The following TXNL4A variants were observed in gnomAD, a reference collection of about 807,000 sequenced individuals.
TXNL4A encodes thioredoxin like 4A.
In TXNL4A, 17 loss-of-function variants were observed where a neutral mutation model predicts 14.6. The observed-to-expected ratio is 1.16, with a 90% CI of 0.80 to 1.74. TXNL4A has a LOEUF of 1.74. TXNL4A is among the 40% of genes most tolerant of loss of function. The pLI is 0.00. For synonymous variants in TXNL4A, 83 were observed against 70.6 expected, an observed-to-expected ratio of 1.18 and a Z score of -0.88; for missense variants, 74 against 195.2, an observed-to-expected ratio of 0.38 and a Z score of 3.70.
Position 79,973,641 on chromosome 18 carries a change from C to A in TXNL4A, c.*44G>T. ...TTAAATAGCTTAAAACGTTTCCATA[C>A]AAAAAGGGCTCCACGACATTTATCC... On this transcript the variant is annotated 3_prime_UTR_variant, in exon 3 of 3. Coordinates refer to ENST00000269601, the MANE Select transcript of TXNL4A (RefSeq NM_006701.5). The A allele has an allele frequency of 6.4e-7, 1 of 1,567,082 alleles. No individual in the cohort carries two copies. The highest frequency in any genetic ancestry group is 8.6e-7 in the Non-Finnish European group (1 of 1,159,456).
At chr18:79,976,783 G>A (rs2051386048) in intron 2 of TXNL4A, 2 of 456,156 alleles carry the variant, frequency 4.4e-6, no homozygotes, top group Non-Finnish European at 8.8e-6. Flanking sequence ...CAACCTCTAT[G>A]GTAACTAAAC....
Position 79,982,953 on chromosome 18 carries a change from A to T in TXNL4A, c.154-5252T>A, listed in dbSNP as rs2051486667. Among the ~76,000 whole-genome samples, 1 of 152,128 alleles carries T rather than the reference A, an allele frequency of 6.6e-6. No homozygotes were observed. ...CTTGGAGGAGGAGCTGGGTGAGTGCAGCCACACTGCTCTGCCAAGTCATCC... is the reference window on the plus strand; with the variant it reads ...CTTGGAGGAGGAGCTGGGTGAGTGCTGCCACACTGCTCTGCCAAGTCATCC... On this transcript the variant is annotated intron_variant, in intron 1 of 2. Coordinates refer to ENST00000269601, the MANE Select transcript of TXNL4A (RefSeq NM_006701.5). The surrounding 1 kb of genome is among the most constrained non-coding windows in gnomAD (Gnocchi z 4.0).
At position 79,973,583 on chromosome 18, in the gene TXNL4A, C is replaced by T; in HGVS notation, c.*102G>A. 6.9e-7 allele frequency: 1 copy of T among 1,454,478 alleles called. No individual in the cohort carries two copies. The highest frequency in any genetic ancestry group is 9.2e-7 in the Non-Finnish European group (1 of 1,088,800). The allele number at this position is 1,454,478 out of a possible 1,614,324, so 90.1% of individuals were successfully genotyped here. On this transcript the variant is annotated 3_prime_UTR_variant, in exon 3 of 3. Transcript: ENST00000269601. ...TATCAATTCCATCTCAGAGGTGCTCCAGCCCTGGAGCTTCCTGTATTTTCC... is the reference window on the plus strand; with the variant it reads ...TATCAATTCCATCTCAGAGGTGCTCTAGCCCTGGAGCTTCCTGTATTTTCC...
intron 1 of TXNL4A, among the ~76,000 whole-genome samples, chr18:79,984,689 T>G (rs1267606392): frequency 6.6e-6 from 1 of 152,218 alleles, no homozygotes; most frequent in East Asian, 1.9e-4. Context: ...GATGATAGCT[T>G]ACTGCAGCCT....
intron 1 of TXNL4A, among the ~76,000 whole-genome samples, chr18:79,995,893 G>A (rs1441070710): frequency 2.0e-5 from 3 of 152,042 alleles, no homozygotes; most frequent in Non-Finnish European, 4.4e-5. Context: ...ATGAGGTCAG[G>A]AGATCGAGAC....
At position 79,971,652 on chromosome 18, in the gene TXNL4A, C is replaced by CG. The variant is rs1426741239; in HGVS notation, c.*2032_*2033insC. 1 of 152,206 alleles carries CG rather than the reference C, an allele frequency of 6.6e-6. No homozygotes were observed. The highest frequency in any genetic ancestry group is 6.5e-5 in the Admixed American group (1 of 15,276). 9.4% of individuals were successfully genotyped at this position (152,206 alleles called of 1,614,324 possible). On this transcript the variant is annotated 3_prime_UTR_variant, in exon 3 of 3. Transcript: ENST00000269601. Reference sequence around the variant, plus strand: ...GGCCCATGTTTAACTTTTTGACGACCTGCCTGCCTGTGTTACCACTTTGCC... The same window carrying CG: ...GGCCCATGTTTAACTTTTTGACGACCGTGCCTGCCTGTGTTACCACTTTGCC...
chr18:80,019,867 A>G (rs1426301573), intron 1 of TXNL4A, among the ~76,000 whole-genome samples: 1 of 152,194 alleles, frequency 6.6e-6, no homozygotes, highest in Non-Finnish European at 1.5e-5. Flanking sequence ...GCGTAGCGTT[A>G]AAAATGCTCC....
At chr18:79,991,119 A>C (rs994770399), upstream of TXNL4A, among the ~76,000 whole-genome samples, 1 of 151,942 alleles carries the variant, frequency 6.6e-6, no homozygotes, top group African/African-American at 2.4e-5. Context: ...AAAAAAAAAA[A>C]AAAAAAAAAC....
At chr18:80,023,156 A>AG (rs1482002072) in intron 1 of TXNL4A, among the ~76,000 whole-genome samples, 6 of 152,202 alleles carry the variant, frequency 3.9e-5, no homozygotes, top group Non-Finnish European at 5.9e-5. Context: ...AATGCAGAAC[A>AG]GGTGCCTTAA....
At chr18:79,976,510 C>A (rs957320384) in intron 2 of TXNL4A, among the ~76,000 whole-genome samples, 1 of 152,112 alleles carries the variant, frequency 6.6e-6, no homozygotes, top group African/African-American at 2.4e-5. Flanking sequence ...CAAACAAGCC[C>A]CTCAAACACT....
intron 1 of TXNL4A, among the ~76,000 whole-genome samples, chr18:80,023,514 C>A (rs1217743979): frequency 6.6e-6 from 1 of 152,086 alleles, no homozygotes. Context: ...GCATGCCCCC[C>A]ACCCCCATGC....
At chr18:80,002,307 G>A (rs573871120) in intron 1 of TXNL4A, among the ~76,000 whole-genome samples, 3 of 152,168 alleles carry the variant, frequency 2.0e-5, no homozygotes, top group East Asian at 1.9e-4. Flanking sequence ...TTAGGTCCTC[G>A]TGTCTAGGTG....
intron 1 of TXNL4A, among the ~76,000 whole-genome samples, chr18:80,026,487 C>T (rs1285793258): frequency 6.6e-6 from 1 of 151,508 alleles, no homozygotes; most frequent in East Asian, 1.9e-4. Context: ...TCTACCCTGA[C>T]AAAAAAAACT....
intron 1 of TXNL4A, among the ~76,000 whole-genome samples, chr18:79,985,580 A>C (rs1461330119): frequency 6.6e-6 from 1 of 152,196 alleles, no homozygotes; most frequent in Non-Finnish European, 1.5e-5. Context: ...TTATCACTTT[A>C]TCAAATGAAT....
intron 1 of TXNL4A, among the ~76,000 whole-genome samples, chr18:79,985,505 G>C (rs769600955): frequency 1.3e-5 from 2 of 152,148 alleles, no homozygotes; most frequent in Non-Finnish European, 2.9e-5. Context: ...CACCCACCTC[G>C]GCCTCCCAAA....
chr18:80,022,737 G>A (rs1599755537), intron 1 of TXNL4A, among the ~76,000 whole-genome samples: 1 of 152,276 alleles, frequency 6.6e-6, no homozygotes, highest in East Asian at 1.9e-4. Context: ...AAGGGTGGAA[G>A]GAAAGAGAGA....
rs1555719172 is a variant in TXNL4A, at chr18:79,988,282, CGTAGGATCCCAGTCGTGGCCGAA to C, written c.88_110del (p.Phe30ValfsTer16). On this transcript the variant is annotated frameshift_variant, in exon 1 of 3. Transcript: ENST00000269601. LOFTEE classifies it high-confidence loss of function. ...ACAGGACCTCGTCCATCTTCATGCA[CGTAGGATCCCAGTCGTGGCCGAA>C]GCGGATGACGACCACGCGGTCCTCC... is the stretch of plus-strand genomic sequence containing the variant. The C allele has an allele frequency of 6.2e-7, 1 of 1,603,852 alleles. No individual in the cohort carries two copies. Among genetic ancestry groups the C allele is most frequent in the Non-Finnish European group, 8.5e-7 (1 of 1,173,158 alleles).
intron 1 of TXNL4A, chr18:80,030,494 G>A (rs1226192081): frequency 5.3e-5 from 8 of 152,148 alleles, no homozygotes; most frequent in Non-Finnish European, 1.2e-4. Flanking sequence ...AATTACATAA[G>A]AACACCTGCT....
intron 1 of TXNL4A, among the ~76,000 whole-genome samples, chr18:80,023,899 G>GA (rs2051866514): frequency 6.6e-6 from 1 of 152,170 alleles, no homozygotes; most frequent in Non-Finnish European, 1.5e-5. Flanking sequence ...CTGAAGAAAA[G>GA]CATAGGCCTG....
Sources: allele counts gnomAD v4.1 joint callset (sites outside exome capture counted in the v4.1 genomes callset), GRCh38; gene constraint gnomAD v4.1.1; non-coding constraint Gnocchi (gnomAD v3.1); transcripts MANE v1.5; gene names NCBI Gene and HGNC (gene_info 2026-07-23, HGNC 2026-07-21).